The following CFAP43 variants were observed in gnomAD, a reference collection of about 807,000 sequenced individuals.
CFAP43 encodes the protein cilia- and flagella-associated protein 43.
Under a neutral mutation model 218.9 loss-of-function variants are expected in CFAP43, and 155 were observed. That is an observed-to-expected ratio of 0.71 (90% CI 0.62 to 0.81). The LOEUF (loss-of-function observed/expected upper bound fraction) is 0.81. CFAP43 is among the 30% of genes least tolerant of loss of function. CFAP43 has a pLI of 0.00. For missense variants in CFAP43, 1,778 were observed against 1,954.3 expected, an observed-to-expected ratio of 0.91 and a Z score of 1.70; for synonymous variants, 645 against 681.3, an observed-to-expected ratio of 0.95 and a Z score of 0.83.
Position 104,182,407 on chromosome 10 carries a change from G to C in CFAP43, c.2248C>G (p.Pro750Ala). 1 of 1,611,376 alleles carries C rather than the reference G, an allele frequency of 6.2e-7. No homozygotes were observed. Among genetic ancestry groups the C allele is most frequent in the Non-Finnish European group, 8.5e-7 (1 of 1,179,098 alleles). Reference sequence around the variant, plus strand: ...GATCCCAAATCTACGGAAACTTTTGGTGTTGTGCTTAAATAATGATTCTCC... The same window carrying C: ...GATCCCAAATCTACGGAAACTTTTGCTGTTGTGCTTAAATAATGATTCTCC... Reference protein sequence around the residue: ...DKENHYLSTTPKVSVDLGSDS... With the variant: ...DKENHYLSTTAKVSVDLGSDS... The change falls in exon 17 of 38, where the codon CCA (proline) becomes GCA (alanine). Residue 750 changes from proline to alanine, a missense_variant. Physicochemically the swap from Pro to Ala is conservative, Grantham distance 27. This residue lies in a region of CFAP43 where 1,553 missense variants were observed against 1,685.2 expected (regional missense o/e 0.92). Coordinates refer to ENST00000357060, the MANE Select transcript of CFAP43 (RefSeq NM_025145.7).
rs201146461 is a variant in CFAP43 at position 104,140,102 on chromosome 10, GATAAA to G, written c.4431+735_4431+739del. 6.8e-3 allele frequency among the ~76,000 whole-genome samples: 1,029 copies of G among 152,050 alleles called. 9 individuals carry two copies. The highest frequency in any genetic ancestry group is 0.023 in the African/African-American group (950 of 41,374). On this transcript the variant is annotated intron_variant, in intron 34 of 37. Transcript: ENST00000357060. The stretch of plus-strand genomic sequence containing the variant: ...AAAATATTAAAATTTGTAGAATACA[GATAAA>G]ATAAAGCTTATAGGGAATATTTTTT...
chr10:104,143,593 A>C lies in CFAP43; in HGVS notation c.3991T>G (p.Phe1331Val). The change falls in exon 32 of 38, where the codon TTC becomes GTC. Residue 1331 changes from phenylalanine (F) to valine (V), a missense_variant. Physicochemically the swap from Phe to Val is conservative, Grantham distance 50. Coordinates refer to ENST00000357060, the MANE Select transcript of CFAP43 (RefSeq NM_025145.7). Reference protein sequence around the residue: ...THSETTSVVPFGELPGSGKLN... With the variant: ...THSETTSVVPVGELPGSGKLN... The stretch of plus-strand genomic sequence containing the variant: ...TTGCCAGATCCTGGTAGTTCTCCGA[A>C]AGGGACAACGCTGGTTGTTTCTGAG... 2 of 1,614,194 alleles carry C rather than the reference A, an allele frequency of 1.2e-6. No individual in the cohort carries two copies. Among genetic ancestry groups the C allele is most frequent in the Non-Finnish European group, 1.7e-6 (2 of 1,180,030 alleles).
chr10:104,139,943 A>G lies in CFAP43; in HGVS notation c.4431+899T>C, dbSNP rs139285778. Reference sequence around the variant, plus strand: ...TTGTAAAAATAAAATGTACAGTAGCATTATCATCTAATTCCCAAATAGCAC... The same window carrying G: ...TTGTAAAAATAAAATGTACAGTAGCGTTATCATCTAATTCCCAAATAGCAC... On this transcript the variant is annotated intron_variant, in intron 34 of 37. Coordinates refer to ENST00000357060, the MANE Select transcript of CFAP43 (RefSeq NM_025145.7). Among the ~76,000 whole-genome samples, 525 of 152,348 alleles carry G rather than the reference A, an allele frequency of 3.4e-3. 1 individual carries two copies. The highest frequency in any genetic ancestry group is 5.7e-3 in the Non-Finnish European group (389 of 68,026).
chr10:104,205,212 C>CAAAAAAAAAAA (rs71022723), intron 7 of CFAP43, among the ~76,000 whole-genome samples: 26 of 56,398 alleles, frequency 4.6e-4, no homozygotes, highest in South Asian at 6.7e-4. Context: ...GACTCCGTCT[C>CAAAAAAAAAAA]AAAAAAAAAA....
chr10:104,153,184 C>A (rs753396543), intron 27 of CFAP43, among the ~76,000 whole-genome samples: 87 of 152,124 alleles, frequency 5.7e-4, no homozygotes, highest in Non-Finnish European at 7.5e-4. Flanking sequence ...TATTTGTACT[C>A]TCTTGTTTTC....
At position 104,232,354 on chromosome 10, in the gene CFAP43, T is replaced by C. The variant is rs1174482183; in HGVS notation, c.-108A>G. ...TGCGGGCCGCGACGCCGCTGCTGTG[T>C]ACACCCGTATCCCGGAGACCGTAAG... On this transcript the variant is annotated 5_prime_UTR_variant, in exon 1 of 38. Transcript: ENST00000357060. 4.9e-5 allele frequency: 56 copies of C among 1,132,438 alleles called. No homozygotes were observed. Among genetic ancestry groups the C allele is most frequent in the Non-Finnish European group, 6.3e-5 (52 of 829,984 alleles). 70.1% of individuals were successfully genotyped at this position (1,132,438 alleles called of 1,614,324 possible). A position where few individuals can be genotyped will look rare whatever the true frequency, so the allele number is the denominator to read the frequency against.
chr10:104,156,612 G>C (rs1323810203), intron 27 of CFAP43, among the ~76,000 whole-genome samples: 1 of 152,186 alleles, frequency 6.6e-6, no homozygotes, highest in Non-Finnish European at 1.5e-5. Flanking sequence ...GATTGAGTGG[G>C]AAAGAATCTT....
At chr10:104,218,150 C>T (rs1469797876) in intron 3 of CFAP43, among the ~76,000 whole-genome samples, 1 of 151,886 alleles carries the variant, frequency 6.6e-6, no homozygotes. Context: ...AGATTGAGAC[C>T]ATCCTGGCTA....
intron 34 of CFAP43, among the ~76,000 whole-genome samples, chr10:104,138,155 A>G (rs954098808): frequency 3.3e-5 from 5 of 152,222 alleles, no homozygotes; most frequent in African/African-American, 4.8e-5. Context: ...TCAAGATTCA[A>G]TAAACAGTGA....
chr10:104,211,283 T>C (rs1589788912), intron 5 of CFAP43, among the ~76,000 whole-genome samples: 1 of 152,176 alleles, frequency 6.6e-6, no homozygotes, highest in East Asian at 1.9e-4. Flanking sequence ...TTTGTTGTTG[T>C]AGTTCTGTCT....
intron 27 of CFAP43, among the ~76,000 whole-genome samples, chr10:104,157,773 T>TGA (rs1276226636): frequency 0.062 from 6,063 of 97,106 alleles, 105 homozygotes; most frequent in Admixed American, 0.13. Context: ...TGTGTGTGTG[T>TGA]GTGAGAGAGA....
At chr10:104,132,221 A>T (rs1014919319) in intron 35 of CFAP43, 25 bp from the exon 36 acceptor site, 1 of 1,504,264 alleles carries the variant, frequency 6.6e-7, no homozygotes, top group Non-Finnish European at 9.1e-7. Flanking sequence ...AAAAACATGT[A>T]AGGATATTTT....
chr10:104,190,539 G>A (rs2090177810), intron 12 of CFAP43, among the ~76,000 whole-genome samples: 1 of 152,140 alleles, frequency 6.6e-6, no homozygotes, highest in South Asian at 2.1e-4. Context: ...ATTAAGCCTT[G>A]AACTACATAT....
intron 19 of CFAP43, 62 bp downstream of exon 19, chr10:104,178,967 G>T: frequency 1.5e-6 from 2 of 1,332,362 alleles, no homozygotes; most frequent in Non-Finnish European, 2.1e-6. Flanking sequence ...ACAAAATTAA[G>T]TTCAAAAAGT....
chr10:104,174,140 G>A (rs2089522753), intron 19 of CFAP43, among the ~76,000 whole-genome samples: 1 of 152,052 alleles, frequency 6.6e-6, no homozygotes, highest in Non-Finnish European at 1.5e-5. Flanking sequence ...ATTCAACAAG[G>A]TGGTCAGAAA....
chr10:104,159,094 C>T (rs918357880), intron 27 of CFAP43, among the ~76,000 whole-genome samples: 11 of 151,994 alleles, frequency 7.2e-5, no homozygotes, highest in Admixed American at 1.3e-4. Flanking sequence ...TAGATAATTG[C>T]GGAAGCTGGA....
At chr10:104,201,734 A>G (rs867850154) in intron 8 of CFAP43, among the ~76,000 whole-genome samples, 1 of 151,672 alleles carries the variant, frequency 6.6e-6, no homozygotes, top group Admixed American at 6.6e-5. Context: ...ATCTTCTACA[A>G]TGTGTCATTC....
In CFAP43 at chr10:104,214,333, C is replaced by A; in HGVS notation, c.510G>T (p.Leu170=). 6.2e-7 allele frequency: 1 copy of A among 1,611,200 alleles called. No homozygotes were observed. The highest frequency in any genetic ancestry group is 8.5e-7 in the Non-Finnish European group (1 of 1,178,434). Residue 170 remains leucine, a synonymous_variant, in exon 4 of 38, where the codon CTG becomes CTT. Transcript: ENST00000357060. ...MSFNPMNWRQ[L]CLSSPSTVSV... The stretch of plus-strand genomic sequence containing the variant: ...TCACTGTACTTGGACTTGATAAGCA[C>A]AGCTGGCGCCAGTTCATGGGGTTAA...
chr10:104,187,454 CT>C lies in CFAP43; in HGVS notation c.1725del (p.Asp576MetfsTer79). The C allele has an allele frequency of 6.3e-7, 1 of 1,595,714 alleles. No individual in the cohort carries two copies. Among genetic ancestry groups the C allele is most frequent in the Non-Finnish European group, 8.5e-7 (1 of 1,172,498 alleles). On this transcript the variant is annotated frameshift_variant, in exon 14 of 38. Transcript: ENST00000357060. LOFTEE classifies it high-confidence loss of function. Reference sequence around the variant, plus strand: ...TACAGGTACTTATGAATGATTTCATCTTTCAGCCTTCCTCTTTCATCAGCAA... The same window carrying C: ...TACAGGTACTTATGAATGATTTCATCTTCAGCCTTCCTCTTTCATCAGCAA... ...TTFADERGRL[K>X]DEIIHKYLYE...
Sources: allele counts gnomAD v4.1 joint callset (sites outside exome capture counted in the v4.1 genomes callset), GRCh38; gene constraint gnomAD v4.1.1; regional missense constraint gnomAD v4.1.1; transcripts MANE v1.5; gene names NCBI Gene and HGNC (gene_info 2026-07-23, HGNC 2026-07-21).